C2orf42: variants seen among roughly 807,000 people sequenced by gnomAD.
C2orf42 encodes uncharacterized protein C2orf42.
In C2orf42, 44 loss-of-function variants were observed where a neutral mutation model predicts 58.9. The observed-to-expected ratio is 0.75, with a 90% CI of 0.59 to 0.96. The LOEUF is 0.96. Ranked by LOEUF, C2orf42 falls within the 40% of genes least tolerant of loss-of-function variation. C2orf42 has a pLI of 0.00. For missense variants in C2orf42, 630 were observed against 699.2 expected (o/e 0.90, Z 1.12); for synonymous variants, 239 against 265.4 (o/e 0.90, Z 0.97).
At position 70,150,309 on chromosome 2, in the gene C2orf42, TG is replaced by T; in HGVS notation, c.*46del. Reference sequence around the variant, plus strand: ...ACTAGCATTTAAAGTTGTCAAGGGGTGGGGATGTGCAAATTAAGCAGCAAAA... The same window carrying T: ...ACTAGCATTTAAAGTTGTCAAGGGGTGGGATGTGCAAATTAAGCAGCAAAA... On this transcript the variant is annotated 3_prime_UTR_variant, in exon 10 of 10. Coordinates refer to ENST00000264434, the MANE Select transcript of C2orf42 (RefSeq NM_017880.3). The T allele has an allele frequency of 6.6e-7, 1 of 1,521,200 alleles. No homozygotes were observed. 94.2% of individuals were successfully genotyped at this position (1,521,200 alleles called of 1,614,324 possible).
At chr2:70,174,945 TAC>T (rs1674086561) in intron 5 of C2orf42, among the ~76,000 whole-genome samples, 1 of 150,196 alleles carries the variant, frequency 6.7e-6, no homozygotes, top group Non-Finnish European at 1.5e-5. Flanking sequence ...GTGCTGGGAT[TAC>T]AGGCGTGAGC....
intron 8 of C2orf42, 119 bp downstream of exon 8, chr2:70,164,973 C>A: frequency 2.0e-6 from 1 of 500,442 alleles, no homozygotes; most frequent in African/African-American, 2.0e-5. Context: ...TATCTCTTAG[C>A]ATGAAAAAAA....
chr2:70,189,406 CAA>C (rs1182514916), intron 1 of C2orf42, among the ~76,000 whole-genome samples: 8 of 27,142 alleles, frequency 2.9e-4, no homozygotes, highest in South Asian at 1.7e-3. Context: ...AACTCCATCT[CAA>C]AAAAAAAAAA....
rs183848112 is a variant in C2orf42, at chr2:70,188,277, T to G, written c.-282+2696A>C. Among the ~76,000 whole-genome samples the G allele has an allele frequency of 2.6e-3, 400 of 152,134 alleles. 2 individuals are homozygous for G. The highest frequency in any genetic ancestry group is 9.3e-3 in the African/African-American group (386 of 41,502). On this transcript the variant is annotated intron_variant, in intron 1 of 9. Transcript: ENST00000264434. ...ATCTTGGCTCACTGCAACCTCTGCC[T>G]CCCGGGTTCAAGCAATTCTCCTGCC...
At chr2:70,184,816 C>A (rs112605391) in intron 1 of C2orf42, among the ~76,000 whole-genome samples, 1 of 151,124 alleles carries the variant, frequency 6.6e-6, no homozygotes, top group Non-Finnish European at 1.5e-5. Flanking sequence ...TTAGGCCGGG[C>A]GCAGTGGCTC....
At chr2:70,152,258 G>A (rs1672358742) in intron 9 of C2orf42, among the ~76,000 whole-genome samples, 1 of 152,082 alleles carries the variant, frequency 6.6e-6, no homozygotes, top group African/African-American at 2.4e-5. Context: ...CATTGGCAGG[G>A]TATTTTGGTC....
chr2:70,165,250 G>T, intron 7 of C2orf42, 58 bp from the exon 8 acceptor site: 2 of 1,011,808 alleles, frequency 2.0e-6, no homozygotes, highest in Non-Finnish European at 3.1e-6. Flanking sequence ...TTCTTTTGTT[G>T]TATTTGTTAC....
chr2:70,164,527 G>A (rs1184722842), intron 8 of C2orf42, among the ~76,000 whole-genome samples: 3 of 151,998 alleles, frequency 2.0e-5, no homozygotes, highest in Admixed American at 1.3e-4. Flanking sequence ...AGCTAGCCGG[G>A]GGGCTGAGGC....
intron 1 of C2orf42, among the ~76,000 whole-genome samples, chr2:70,184,179 T>C (rs1674769509): frequency 6.7e-6 from 1 of 149,788 alleles, no homozygotes; most frequent in African/African-American, 2.5e-5. Context: ...TTTAAAACTA[T>C]TCTTATTTGT....
At chr2:70,174,795 T>C (rs1674077025) in intron 5 of C2orf42, among the ~76,000 whole-genome samples, 1 of 151,932 alleles carries the variant, frequency 6.6e-6, no homozygotes, top group Admixed American at 6.6e-5. Context: ...CTCAGCCTCT[T>C]GAGTAGCTGG....
intron 5 of C2orf42, among the ~76,000 whole-genome samples, chr2:70,173,835 C>A (rs537080427): frequency 1.3e-5 from 2 of 152,038 alleles, no homozygotes; most frequent in South Asian, 4.1e-4. Flanking sequence ...CTCACTACTC[C>A]TACCTCGGCC....
chr2:70,189,110 T>TAA, intron 1 of C2orf42, among the ~76,000 whole-genome samples: 1 of 151,112 alleles, frequency 6.6e-6, no homozygotes, highest in South Asian at 2.1e-4. Flanking sequence ...TACAGCTGTT[T>TAA]AAAAAAAAAT....
intron 5 of C2orf42, among the ~76,000 whole-genome samples, 178 bp from the exon 6 acceptor site, chr2:70,169,839 A>G (rs923575849): frequency 3.9e-5 from 6 of 152,058 alleles, no homozygotes; most frequent in Non-Finnish European, 8.8e-5. Context: ...GCTCACTGCA[A>G]TCTCTGCCTC....
At chr2:70,158,900 C>CTTTT (rs34839050) in intron 9 of C2orf42, among the ~76,000 whole-genome samples, 4 of 106,282 alleles carry the variant, frequency 3.8e-5, no homozygotes, top group African/African-American at 3.8e-5. Context: ...CCGAGTATTC[C>CTTTT]TTTTTTTTTT....
intron 9 of C2orf42, among the ~76,000 whole-genome samples, chr2:70,159,686 A>T (rs1572976988): frequency 6.6e-6 from 1 of 152,156 alleles, no homozygotes; most frequent in Admixed American, 6.5e-5. Context: ...TCTAAAACAG[A>T]CTTAGAAGAG....
intron 4 of C2orf42, among the ~76,000 whole-genome samples, chr2:70,176,704 C>CT (rs1369651498): frequency 7.9e-5 from 12 of 152,090 alleles, no homozygotes; most frequent in African/African-American, 2.4e-4. Context: ...TCACAGTGTG[C>CT]TAGAGCCTTG....
Position 70,180,735 on chromosome 2 carries a change from C to T in C2orf42, c.823+428G>A, listed in dbSNP as rs529088130. ...GAAGGAATGCAACCAGGTGTGGCGG[C>T]TCACACCTGTGATCTCAGCACTTTG... On this transcript the variant is annotated intron_variant, in intron 3 of 9. Coordinates refer to ENST00000264434, the MANE Select transcript of C2orf42 (RefSeq NM_017880.3). Among the ~76,000 whole-genome samples the T allele has an allele frequency of 3.3e-5, 5 of 151,594 alleles. No homozygotes were observed. The East Asian group carries it at 5.8e-4, about 18-fold the overall frequency.
chr2:70,168,380 T>C (rs1450092068), intron 6 of C2orf42, among the ~76,000 whole-genome samples: 7 of 116,452 alleles, frequency 6.0e-5, no homozygotes, highest in African/African-American at 2.3e-4. Flanking sequence ...CTCCACCTCC[T>C]GGGTTCACGC....
At position 70,154,859 on chromosome 2, in the gene C2orf42, G is replaced by A. The variant is rs142657027; in HGVS notation, c.1517-4295C>T. ...CAGCCTCGACCTCCAGGGCCCAAGC[G>A]ATCCTCCCACCTCAGCCTCCAAAGT... is the stretch of plus-strand genomic sequence containing the variant. On this transcript the variant is annotated intron_variant, in intron 9 of 9. Transcript: ENST00000264434. Among the ~76,000 whole-genome samples the A allele has an allele frequency of 1.5e-3, 225 of 152,098 alleles. 1 individual carries two copies. Among genetic ancestry groups the A allele is most frequent in the African/African-American group, 5.2e-3 (215 of 41,494 alleles).
Sources: gnomAD v4.1 joint callset for allele counts (sites outside exome capture counted in the v4.1 genomes callset) on GRCh38, gnomAD v4.1.1 for gene constraint, MANE v1.5 for transcripts, NCBI Gene and HGNC (gene_info 2026-07-23, HGNC 2026-07-21) for gene names.